The following KIAA1328 variants were observed in gnomAD, a reference collection of about 807,000 sequenced individuals.
KIAA1328 encodes protein hinderin.
KIAA1328 carries 52 observed loss-of-function variants against 68.1 expected under a neutral mutation model. The observed-to-expected ratio is 0.76, with a 90% confidence interval of 0.61 to 0.96. The LOEUF is 0.96. Among genes scored for constraint, KIAA1328 ranks in the 40% least tolerant of loss-of-function variants. The probability of loss-of-function intolerance (pLI) is 0.00; values close to 1 mark genes in which losing one functional copy is unlikely to be tolerated. For missense variants in KIAA1328, 641 were observed against 677.6 expected (o/e 0.95, Z 0.60); for synonymous variants, 232 against 239.4 (o/e 0.97, Z 0.28).
chr18:37,217,668 G>A (rs969216935), intron 9 of KIAA1328, among the ~76,000 whole-genome samples: 1 of 152,140 alleles, frequency 6.6e-6, no homozygotes, highest in Admixed American at 6.5e-5. Flanking sequence ...TTCTCAAGGA[G>A]TATCTTTGTG....
intron 6 of KIAA1328, among the ~76,000 whole-genome samples, chr18:37,050,897 A>T (rs2055665634): frequency 6.6e-6 from 1 of 152,092 alleles, no homozygotes; most frequent in African/African-American, 2.4e-5. Flanking sequence ...CATTTCCTTG[A>T]TGTACAGCAA....
intron 6 of KIAA1328, among the ~76,000 whole-genome samples, chr18:37,043,180 T>A (rs575087118): frequency 6.6e-6 from 1 of 152,334 alleles, no homozygotes; most frequent in South Asian, 2.1e-4. Flanking sequence ...CTTTTAGATC[T>A]TTCAACACAT....
rs2060624094 is a variant in KIAA1328 at position 37,225,127 on chromosome 18, T to C, written c.*2900T>C. The C allele has an allele frequency of 3.0e-6, 3 of 984,574 alleles. No individual in the cohort carries two copies. Among genetic ancestry groups the C allele is most frequent in the African/African-American group, 1.7e-5 (1 of 57,244 alleles). 61.0% of individuals were successfully genotyped at this position (984,574 alleles called of 1,614,324 possible). A position where few individuals can be genotyped will look rare whatever the true frequency, so the allele number is the denominator to read the frequency against. On this transcript the variant is annotated 3_prime_UTR_variant, in exon 10 of 10. Transcript: ENST00000280020. Reference sequence around the variant, plus strand: ...CCTGCTTCCGGCACCAAGTTCATAATAGAGATCTTCTGGCCAGAGAATCAG... The same window carrying C: ...CCTGCTTCCGGCACCAAGTTCATAACAGAGATCTTCTGGCCAGAGAATCAG...
In KIAA1328 at chr18:36,833,793, G is replaced by A. The variant is rs548612273; in HGVS notation, c.59-527G>A. On this transcript the variant is annotated intron_variant, in intron 1 of 9. Coordinates refer to ENST00000280020, the MANE Select transcript of KIAA1328 (RefSeq NM_020776.3). ...TTTCTTCTACTTTTTAAATAGTAGG[G>A]CTTCTTGGGATATTTTATGAATACA... 5.2e-4 allele frequency among the ~76,000 whole-genome samples: 79 copies of A among 152,272 alleles called. No homozygotes were observed. The South Asian group carries it at 0.016, about 31-fold the overall frequency.
chr18:36,901,856 G>A (rs1467619679), intron 5 of KIAA1328: 1 of 152,066 alleles, frequency 6.6e-6, no homozygotes, highest in African/African-American at 2.4e-5. Context: ...CAGGTCAGGA[G>A]GCAACATAAT....
intron 9 of KIAA1328, among the ~76,000 whole-genome samples, chr18:37,205,794 A>C (rs1334117593): frequency 6.6e-6 from 1 of 152,242 alleles, no homozygotes; most frequent in East Asian, 1.9e-4. Context: ...TTTCAAGCAC[A>C]TGCTAAGATT....
intron 7 of KIAA1328, among the ~76,000 whole-genome samples, chr18:37,121,964 A>G (rs1408283335): frequency 6.6e-6 from 1 of 152,126 alleles, no homozygotes; most frequent in African/African-American, 2.4e-5. Context: ...TGAAACTGGT[A>G]GCCTCAAGGC....
At chr18:37,173,422 G>A (rs529956237) in intron 9 of KIAA1328, among the ~76,000 whole-genome samples, 16 of 152,316 alleles carry the variant, frequency 1.1e-4, no homozygotes, top group Admixed American at 3.3e-4. Flanking sequence ...TGAAATCATT[G>A]CTATTGAACA....
chr18:37,207,833 T>C (rs999400127), intron 9 of KIAA1328, among the ~76,000 whole-genome samples: 3 of 152,202 alleles, frequency 2.0e-5, no homozygotes, highest in African/African-American at 4.8e-5. Context: ...TTTATTGAGA[T>C]GGAGTTTCGC....
chr18:37,046,328 G>A (rs1310838694), intron 6 of KIAA1328, among the ~76,000 whole-genome samples: 2 of 152,118 alleles, frequency 1.3e-5, no homozygotes, highest in African/African-American at 2.4e-5. Flanking sequence ...GTTTTGATGA[G>A]GGCTTTTCTA....
chr18:37,000,172 A>C (rs2053536766), intron 6 of KIAA1328, among the ~76,000 whole-genome samples: 2 of 152,174 alleles, frequency 1.3e-5, no homozygotes. Flanking sequence ...AAGATGCTCC[A>C]TACAAACAGA....
intron 8 of KIAA1328, among the ~76,000 whole-genome samples, chr18:37,162,925 C>A (rs2059312214): frequency 6.6e-6 from 1 of 150,496 alleles, no homozygotes; most frequent in East Asian, 1.9e-4. Flanking sequence ...CAAGAAACAA[C>A]CTTACGATAG....
chr18:36,938,593 G>A (rs765079327), intron 5 of KIAA1328, among the ~76,000 whole-genome samples: 121 of 151,906 alleles, frequency 8.0e-4, no homozygotes, highest in South Asian at 6.2e-4. Flanking sequence ...AAGCTTTGAT[G>A]TAATCCCATT....
chr18:37,027,219 C>T (rs1215943578), intron 6 of KIAA1328, among the ~76,000 whole-genome samples: 11 of 152,124 alleles, frequency 7.2e-5, no homozygotes, highest in Non-Finnish European at 1.0e-4. Context: ...AAATAAAAGA[C>T]GACACAAACA....
At chr18:37,038,100 CAAAAAAA>C (rs547882836) in intron 6 of KIAA1328, among the ~76,000 whole-genome samples, 371 of 134,178 alleles carry the variant, frequency 2.8e-3, no homozygotes, top group African/African-American at 9.2e-3. Flanking sequence ...GACTCTGTCT[CAAAAAAA>C]AAAAGAAAAA....
chr18:37,221,891 A>G (rs1227158857), intron 9 of KIAA1328, 126 bp from the exon 10 acceptor site: 2 of 948,186 alleles, frequency 2.1e-6, no homozygotes, highest in Admixed American at 5.1e-5. Flanking sequence ...TCCCTTAAGC[A>G]TCATCTTATG....
At chr18:37,035,841 G>A (rs1252059130) in intron 6 of KIAA1328, among the ~76,000 whole-genome samples, 1 of 152,260 alleles carries the variant, frequency 6.6e-6, no homozygotes, top group Non-Finnish European at 1.5e-5. Flanking sequence ...AGTTTGAAAT[G>A]TACTAAAGTG....
chr18:37,194,992 A>G (rs2059976641), intron 9 of KIAA1328, among the ~76,000 whole-genome samples: 1 of 152,238 alleles, frequency 6.6e-6, no homozygotes, highest in African/African-American at 2.4e-5. Flanking sequence ...TCATAGTTGT[A>G]CATATTTGGG....
chr18:37,142,068 T>C (rs1420752525), intron 7 of KIAA1328, among the ~76,000 whole-genome samples: 1 of 152,230 alleles, frequency 6.6e-6, no homozygotes, highest in East Asian at 1.9e-4. Flanking sequence ...GTTAGAAAGA[T>C]ATTCTGTTGT....
Sources: allele counts gnomAD v4.1 joint callset (sites outside exome capture counted in the v4.1 genomes callset), GRCh38; gene constraint gnomAD v4.1.1; transcripts MANE v1.5; gene names NCBI Gene and HGNC (gene_info 2026-07-23, HGNC 2026-07-21).